PRRC2B: variants seen among roughly 807,000 people sequenced by gnomAD.
The protein encoded by PRRC2B is protein PRRC2B.
Under a neutral mutation model 242.3 loss-of-function variants are expected in PRRC2B, and 68 were observed. The observed-to-expected ratio is 0.28, with a 90% CI of 0.23 to 0.34. PRRC2B has a LOEUF of 0.34. Among genes scored for constraint, PRRC2B ranks in the 10% least tolerant of loss-of-function variants. The pLI, the probability that PRRC2B is intolerant of heterozygous loss-of-function variation, is 1.00. For missense variants in PRRC2B, 2,835 were observed against 2,954.8 expected, an observed-to-expected ratio of 0.96 and a Z score of 0.94; for synonymous variants, 1,228 against 1,173.6, an observed-to-expected ratio of 1.05 and a Z score of -0.95.
chr9:131,415,392 C>T (rs1001363773), intron 1 of PRRC2B, among the ~76,000 whole-genome samples: 4 of 151,548 alleles, frequency 2.6e-5, no homozygotes, highest in African/African-American at 4.9e-5. Context: ...TCATTAGAAC[C>T]GGAGCTGGGC....
intron 1 of PRRC2B, among the ~76,000 whole-genome samples, chr9:131,398,311 C>T (rs1837125667): frequency 6.6e-6 from 1 of 152,230 alleles, no homozygotes; most frequent in African/African-American, 2.4e-5. Flanking sequence ...GCTTTGTTCT[C>T]AGCTGTACTT....
chr9:131,406,404 G>A lies in PRRC2B; in HGVS notation c.-52+12141G>A, dbSNP rs191527341. Among the ~76,000 whole-genome samples, 634 of 152,300 alleles carry A rather than the reference G, an allele frequency of 4.2e-3. 6 individuals are homozygous for A. Among genetic ancestry groups the A allele is most frequent in the African/African-American group, 0.015 (604 of 41,550 alleles). On this transcript the variant is annotated intron_variant, in intron 1 of 31. Coordinates refer to ENST00000683519, the MANE Select transcript of PRRC2B (RefSeq NM_013318.4). ...TAGTCTGTTGTGTTGTGTTCTTGGG[G>A]AGTTTCAGGTAAATGTCTTGGAAGG...
At chr9:131,435,341 G>A (rs962236301) in intron 3 of PRRC2B, among the ~76,000 whole-genome samples, 5 of 151,554 alleles carry the variant, frequency 3.3e-5, no homozygotes, top group African/African-American at 7.3e-5. Flanking sequence ...TAGGTCGGGC[G>A]CAGTGGCTCA....
intron 12 of PRRC2B, among the ~76,000 whole-genome samples, chr9:131,465,845 C>G (rs1187528690): frequency 3.9e-5 from 6 of 152,216 alleles, no homozygotes; most frequent in Admixed American, 3.9e-4. Flanking sequence ...CCAGCTCAGC[C>G]TCCTGAGCTG....
At chr9:131,465,136 G>A in intron 12 of PRRC2B, 58 bp downstream of exon 12, 3 of 1,500,052 alleles carry the variant, frequency 2.0e-6, no homozygotes, top group African/African-American at 2.8e-5. Context: ...TCCTCGTCTT[G>A]TTACTTGCAA....
In PRRC2B at chr9:131,476,041, C is replaced by G. The variant is rs761373486; in HGVS notation, c.3912C>G (p.Pro1304=). 1.8e-5 allele frequency: 29 copies of G among 1,606,108 alleles called. No individual in the cohort carries two copies. Among genetic ancestry groups the G allele is most frequent in the Non-Finnish European group, 2.5e-5 (29 of 1,174,756 alleles). ...ACCGGCCCTTCAGGAGAAGGCGCCCCCCACGCCAAGATAAGCCCCCTCGAT... is the reference window on the plus strand; with the variant it reads ...ACCGGCCCTTCAGGAGAAGGCGCCCGCCACGCCAAGATAAGCCCCCTCGAT... The part of the protein sequence containing the change: ...AENRPFRRRR[P]PRQDKPPRFR... The change falls in exon 16 of 32, where the codon CCC becomes CCG. Residue 1304 remains proline (P), a synonymous_variant. Transcript: ENST00000683519.
intron 1 of PRRC2B, among the ~76,000 whole-genome samples, chr9:131,404,369 G>A (rs536797278): frequency 6.6e-6 from 1 of 151,852 alleles, no homozygotes; most frequent in Non-Finnish European, 1.5e-5. Context: ...ACAGGCATCC[G>A]CCACCATGCC....
intron 1 of PRRC2B, among the ~76,000 whole-genome samples, chr9:131,415,029 G>A (rs1468991628): frequency 6.6e-6 from 1 of 152,092 alleles, no homozygotes; most frequent in African/African-American, 2.4e-5. Flanking sequence ...GTTTCACTCT[G>A]TTGCCCACGC....
chr9:131,469,160 C>G (rs1195763491), intron 13 of PRRC2B, among the ~76,000 whole-genome samples: 3 of 151,950 alleles, frequency 2.0e-5, no homozygotes, highest in Non-Finnish European at 4.4e-5. Context: ...ATGGTGAAAC[C>G]CCATCTCTAC....
intron 1 of PRRC2B, among the ~76,000 whole-genome samples, chr9:131,378,369 C>T (rs1225308646): frequency 6.6e-6 from 1 of 151,460 alleles, no homozygotes; most frequent in Non-Finnish European, 1.5e-5. Context: ...AGGGGGTGCT[C>T]CTATGCCACA....
intron 13 of PRRC2B, 66 bp from the exon 14 acceptor site, chr9:131,470,722 G>T (rs1943519045): frequency 3.7e-6 from 5 of 1,354,716 alleles, no homozygotes; most frequent in Admixed American, 1.8e-5. Context: ...GGAAGGGCGT[G>T]TGTTGGGTGG....
intron 4 of PRRC2B, among the ~76,000 whole-genome samples, chr9:131,437,148 A>AGCGAGCTC (rs1207534464): frequency 1.3e-5 from 2 of 152,228 alleles, no homozygotes; most frequent in South Asian, 4.1e-4. Context: ...AACAAAACGA[A>AGCGAGCTC]GCGAGCTCCT....
upstream of PRRC2B, among the ~76,000 whole-genome samples, chr9:131,393,539 G>T (rs1257391023): frequency 6.6e-6 from 1 of 152,150 alleles, no homozygotes; most frequent in Non-Finnish European, 1.5e-5. Flanking sequence ...CAACAACCTT[G>T]CTTTTGAAAT....
At chr9:131,406,838 A>G (rs1837375963) in intron 1 of PRRC2B, among the ~76,000 whole-genome samples, 1 of 152,196 alleles carries the variant, frequency 6.6e-6, no homozygotes, top group Non-Finnish European at 1.5e-5. Flanking sequence ...ATCAAGCTCC[A>G]GAAGTGTATA....
chr9:131,414,006 G>GGACA (rs1344645990), intron 1 of PRRC2B, among the ~76,000 whole-genome samples: 1 of 152,176 alleles, frequency 6.6e-6, no homozygotes, highest in African/African-American at 2.4e-5. Context: ...CAAAGCTGAA[G>GGACA]GACATATCCT....
intron 9 of PRRC2B, among the ~76,000 whole-genome samples, chr9:131,452,267 C>CA (rs1217832315): frequency 6.6e-6 from 1 of 152,194 alleles, no homozygotes; most frequent in African/African-American, 2.4e-5. Context: ...CCTCCTGCCT[C>CA]ACCTTCTGAG....
rs1238860538 is a variant in PRRC2B at position 131,473,675 on chromosome 9, C to T, written c.2275C>T (p.Leu759Phe). The part of the protein sequence containing the change: ...YMALQSKGYP[L>F]PHPKSSDTLA... ...GGCACTGCAGAGCAAGGGCTACCCG[C>T]TCCCGCACCCGAAGTCGAGTGACAC... Residue 759 changes from leucine (L) to phenylalanine (F), a missense_variant, in exon 15 of 32, where the codon CTC becomes TTC. Leu to Phe is a conservative substitution (Grantham distance 22, BLOSUM62 0). Transcript: ENST00000683519. The T allele has an allele frequency of 2.1e-5, 34 of 1,613,674 alleles. No individual in the cohort carries two copies. The highest frequency in any genetic ancestry group is 2.7e-5 in the African/African-American group (2 of 74,906).
chr9:131,415,691 C>G (rs1454116554), intron 1 of PRRC2B, among the ~76,000 whole-genome samples: 1 of 152,168 alleles, frequency 6.6e-6, no homozygotes, highest in Non-Finnish European at 1.5e-5. Flanking sequence ...TAAGAAGTCT[C>G]CATCATTGTT....
Position 131,446,282 on chromosome 9 carries a change from T to G in PRRC2B, c.614-119T>G. On this transcript the variant is annotated intron_variant, in intron 6 of 31. Coordinates refer to ENST00000683519, the MANE Select transcript of PRRC2B (RefSeq NM_013318.4). This position sits in a 1 kb window ranked among gnomAD's most constrained non-coding sequence, Gnocchi z 4.1. ...TTAACAGTTCTTCACTTTTGGTGTTTTTTGTTTTTCATTTTATTTTTTTGG... is the reference window on the plus strand; with the variant it reads ...TTAACAGTTCTTCACTTTTGGTGTTGTTTGTTTTTCATTTTATTTTTTTGG... The G allele has an allele frequency of 7.8e-7, 1 of 1,277,310 alleles. No homozygotes were observed. Among genetic ancestry groups the G allele is most frequent in the South Asian group, 1.5e-5 (1 of 66,572 alleles). The allele number at this position is 1,277,310 out of a possible 1,614,324, so 79.1% of individuals were successfully genotyped here. A position where few individuals can be genotyped will look rare whatever the true frequency, so the allele number is the denominator to read the frequency against.
Sources: gnomAD v4.1 joint callset for allele counts (sites outside exome capture counted in the v4.1 genomes callset) on GRCh38, gnomAD v4.1.1 for gene constraint, Gnocchi (gnomAD v3.1) non-coding constraint, MANE v1.5 for transcripts, NCBI Gene and HGNC (gene_info 2026-07-23, HGNC 2026-07-21) for gene names.